The following TLK2 variants were observed in gnomAD, a reference collection of about 807,000 sequenced individuals.
The protein encoded by TLK2 is tousled like kinase 2.
TLK2 carries 6 observed loss-of-function variants against 117.3 expected under a neutral mutation model. The ratio of observed to expected loss-of-function variants is 0.05; its 90% CI spans 0.03 to 0.10. TLK2 has a LOEUF of 0.10. TLK2 is among the 10% of genes least tolerant of loss of function. TLK2 has a pLI of 1.00. For missense variants in TLK2, 299 were observed against 901.2 expected (o/e 0.33, Z 8.56); for synonymous variants, 257 against 316.7 (o/e 0.81, Z 2.00).
At chr17:62,545,100 C>T (rs1315166637) in intron 7 of TLK2, among the ~76,000 whole-genome samples, 1 of 152,140 alleles carries the variant, frequency 6.6e-6, no homozygotes, top group Non-Finnish European at 1.5e-5. Context: ...GATCTCAGCT[C>T]ACTGCAACCT....
intron 2 of TLK2, among the ~76,000 whole-genome samples, chr17:62,501,688 G>A (rs1257283587): frequency 3.3e-5 from 5 of 152,168 alleles, no homozygotes; most frequent in East Asian, 1.9e-4. Flanking sequence ...GGCCAGGCAC[G>A]GTGACTCATG....
intron 19 of TLK2, 119 bp from the exon 20 acceptor site, chr17:62,606,006 CAAAAA>C (rs71155942): frequency 3.4e-3 from 445 of 132,758 alleles, no homozygotes; most frequent in South Asian, 9.3e-3. Context: ...ACCCTGTCTC[CAAAAA>C]AAAAAAAAAA....
At chr17:62,549,419 A>AAAAAAAAAGT (rs2078237502) in intron 7 of TLK2, among the ~76,000 whole-genome samples, 3 of 7,760 alleles carry the variant, frequency 3.9e-4, no homozygotes, top group Non-Finnish European at 4.8e-4. Context: ...AAAAAAAAAA[A>AAAAAAAAAGT]AAAAAAAAAA....
intron 6 of TLK2, among the ~76,000 whole-genome samples, chr17:62,528,918 C>T (rs372226232): frequency 1.9e-4 from 29 of 152,116 alleles, no homozygotes; most frequent in East Asian, 5.8e-4. Context: ...CATGCTGTTC[C>T]CTGATCACAA....
intron 2 of TLK2, among the ~76,000 whole-genome samples, chr17:62,519,619 G>A (rs1216317071): frequency 6.6e-6 from 1 of 152,042 alleles, no homozygotes; most frequent in African/African-American, 2.4e-5. Context: ...TTCGAGACCA[G>A]CCTGGCCAAC....
intron 7 of TLK2, among the ~76,000 whole-genome samples, chr17:62,540,029 T>TCTCCTC (rs528918370): frequency 1.8e-4 from 27 of 151,040 alleles, no homozygotes; most frequent in Admixed American, 5.3e-4. Context: ...CAGCTGCCTT[T>TCTCCTC]CTCCTCCTCC....
At chr17:62,529,989 G>T (rs1443977220) in intron 6 of TLK2, among the ~76,000 whole-genome samples, 3 of 152,072 alleles carry the variant, frequency 2.0e-5, no homozygotes, top group Non-Finnish European at 4.4e-5. Context: ...GATTACTCGA[G>T]CTCAGGAGTT....
chr17:62,599,512 A>G (rs1396026521), intron 17 of TLK2, among the ~76,000 whole-genome samples: 1 of 152,152 alleles, frequency 6.6e-6, no homozygotes, highest in African/African-American at 2.4e-5. Flanking sequence ...GTTTCAGCCA[A>G]TGGGAAGGCA....
intron 11 of TLK2, among the ~76,000 whole-genome samples, chr17:62,572,261 GGAA>G (rs756733538): frequency 3.6e-4 from 55 of 152,048 alleles, no homozygotes; most frequent in Non-Finnish European, 2.4e-4. Flanking sequence ...GCACAGTAGA[GGAA>G]GAAGGAGAAG....
intron 15 of TLK2, among the ~76,000 whole-genome samples, 188 bp downstream of exon 15, chr17:62,580,380 G>T (rs572299058): frequency 3.6e-4 from 55 of 152,038 alleles, no homozygotes; most frequent in Non-Finnish European, 6.6e-4. Context: ...ATACAGTATT[G>T]CCATTTTCAA....
chr17:62,525,200 T>A (rs1422955060), intron 6 of TLK2, among the ~76,000 whole-genome samples: 1 of 152,312 alleles, frequency 6.6e-6, no homozygotes, highest in African/African-American at 2.4e-5. Context: ...TTATTTTAGA[T>A]CACTGATTTT....
rs760902945 is a variant in TLK2 at position 62,522,233 on chromosome 17, A to T, written c.183A>T (p.Arg61=). 4 of 1,613,652 alleles carry T rather than the reference A, an allele frequency of 2.5e-6. No homozygotes were observed. The East Asian group carries it at 8.9e-5, about 36-fold the overall frequency. The change falls in exon 4 of 22, where the codon CGA becomes CGT. Residue 61 remains arginine (R), a synonymous_variant. Coordinates refer to ENST00000346027, the MANE Select transcript of TLK2 (RefSeq NM_006852.6). Reference sequence around the variant, plus strand: ...CCGAGAAAAAGCAGAATGACCAGCGAAATCGGAAAAGAAAAGCTGAACCAT... The same window carrying T: ...CCGAGAAAAAGCAGAATGACCAGCGTAATCGGAAAAGAAAAGCTGAACCAT... The part of the protein sequence containing the change: ...ETPEKKQNDQ[R]NRKRKAEPYE...
chr17:62,596,533 T>A lies in TLK2; in HGVS notation c.1461-52T>A, dbSNP rs2082492528. On this transcript the variant is annotated intron_variant, in intron 16 of 21. Transcript: ENST00000346027. ...ATATTTAGGAGGATCTTTGAAGAGT[T>A]CTAAAAGGCAGGCCAATATACCTTC... is the stretch of plus-strand genomic sequence containing the variant. 5 of 1,348,702 alleles carry A rather than the reference T, an allele frequency of 3.7e-6. No individual in the cohort carries two copies. In the South Asian group the frequency reaches 5.9e-5, roughly 16 times the overall value. The allele number at this position is 1,348,702 out of a possible 1,614,324, so 83.5% of individuals were successfully genotyped here. A position where few individuals can be genotyped will look rare whatever the true frequency, so the allele number is the denominator to read the frequency against.
chr17:62,585,372 T>A (rs1046602852), intron 15 of TLK2, among the ~76,000 whole-genome samples: 8 of 152,218 alleles, frequency 5.3e-5, no homozygotes, highest in African/African-American at 1.9e-4. Context: ...ACCCCATCTC[T>A]ACTAAAAATA....
At chr17:62,598,193 C>T (rs1031247284) in intron 17 of TLK2, among the ~76,000 whole-genome samples, 13 of 152,194 alleles carry the variant, frequency 8.5e-5, no homozygotes, top group Non-Finnish European at 1.5e-4. Flanking sequence ...AAACAAGGGG[C>T]GGGGCATGAC....
chr17:62,565,399 A>G (rs975120441), intron 11 of TLK2, among the ~76,000 whole-genome samples: 3 of 152,184 alleles, frequency 2.0e-5, no homozygotes, highest in Non-Finnish European at 2.9e-5. Context: ...TCACGCCTGT[A>G]ATCCCAGCAC....
chr17:62,555,857 C>G (rs918968120), intron 9 of TLK2, among the ~76,000 whole-genome samples: 2 of 152,112 alleles, frequency 1.3e-5, no homozygotes, highest in African/African-American at 4.8e-5. Context: ...CGCAGTCTTG[C>G]AAGCTGTGCG....
chr17:62,607,274 C>T lies in TLK2; in HGVS notation c.1972-767C>T, dbSNP rs144766427. Among the ~76,000 whole-genome samples, 814 of 150,936 alleles carry T rather than the reference C, an allele frequency of 5.4e-3. 5 individuals are homozygous for T. The highest frequency in any genetic ancestry group is 7.9e-3 in the Non-Finnish European group (535 of 67,770). On this transcript the variant is annotated intron_variant, in intron 20 of 21. Transcript: ENST00000346027. The stretch of plus-strand genomic sequence containing the variant: ...GTGGCTCACACCTGTAATCCCAGCA[C>T]TTTGGGAGGCCGAGGCAGGTGGATC...
chr17:62,536,865 C>G (rs2077149163), intron 7 of TLK2, among the ~76,000 whole-genome samples: 1 of 152,200 alleles, frequency 6.6e-6, no homozygotes, highest in Non-Finnish European at 1.5e-5. Flanking sequence ...ATTTGGCTAC[C>G]TGTTCGCTCC....
Sources: gnomAD v4.1 joint callset for allele counts (sites outside exome capture counted in the v4.1 genomes callset) on GRCh38, gnomAD v4.1.1 for gene constraint, MANE v1.5 for transcripts, NCBI Gene and HGNC (gene_info 2026-07-23, HGNC 2026-07-21) for gene names.